The following NRK variants were observed in gnomAD, a reference collection of about 807,000 sequenced individuals.
NRK encodes Nik related kinase.
A neutral mutation model predicts 125.2 loss-of-function variants in NRK; 67 were observed. The observed-to-expected ratio is 0.54, with a 90% confidence interval of 0.44 to 0.66. The LOEUF is 0.66. Ranked by LOEUF, NRK falls within the 30% of genes least tolerant of loss-of-function variation. The pLI, the probability that NRK is intolerant of heterozygous loss-of-function variation, is 0.00. For missense variants in NRK, 1,224 were observed against 1,192.9 expected, an observed-to-expected ratio of 1.03 and a Z score of -0.38; for synonymous variants, 458 against 429.0, an observed-to-expected ratio of 1.07 and a Z score of -0.84.
chrX:105,951,906 A>T (rs1394084554), intron 27 of NRK, among the ~76,000 whole-genome samples: 1 of 112,881 alleles, frequency 8.9e-6, no homozygotes, highest in Non-Finnish European at 1.9e-5. Context: ...CAAAAATATC[A>T]TTTTTAATAA....
Position 105,909,276 on chromosome X carries a change from G to A in NRK, c.1635G>A (p.Val545=). Residue 545 remains valine (V), a synonymous_variant, in exon 13 of 29, where the codon GTG becomes GTA. Coordinates refer to ENST00000243300, the MANE Select transcript of NRK (RefSeq NM_198465.4). ...AACAACAGCAGAGGCACAACCAGGTGCCTGAACAAGAGCTGGAGCAGAACC... is the reference window on the plus strand; with the variant it reads ...AACAACAGCAGAGGCACAACCAGGTACCTGAACAAGAGCTGGAGCAGAACC... ...APEQQQRHNQ[V]PEQELEQNQA... is the part of the protein sequence containing the mutation. The A allele has an allele frequency of 2.5e-6, 3 of 1,207,147 alleles. No homozygotes were observed. The highest frequency in any genetic ancestry group is 2.3e-4 in the Middle Eastern group (1 of 4,345).
chrX:105,934,508 C>A, intron 20 of NRK, 64 bp downstream of exon 20: 1 of 660,890 alleles, frequency 1.5e-6, no homozygotes. Flanking sequence ...AGTGTTTAAC[C>A]ACTGCTTCAT....
intron 17 of NRK, among the ~76,000 whole-genome samples, chrX:105,922,449 G>A (rs764407246): frequency 2.7e-5 from 3 of 111,737 alleles, no homozygotes; most frequent in South Asian, 7.4e-4. Context: ...AAAAAACAGA[G>A]TGTCCTCTGA....
intron 2 of NRK, among the ~76,000 whole-genome samples, chrX:105,835,303 G>T (rs2039248042): frequency 9.0e-6 from 1 of 111,033 alleles, no homozygotes; most frequent in Non-Finnish European, 1.9e-5. Context: ...TTGGTCTTCT[G>T]GAGAGTTTTT....
intron 28 of NRK, among the ~76,000 whole-genome samples, chrX:105,954,585 C>G (rs1368002626): frequency 9.0e-6 from 1 of 110,635 alleles, no homozygotes; most frequent in Non-Finnish European, 1.9e-5. Flanking sequence ...GTTACATACA[C>G]TGTAAGCTCA....
rs183255890 is a variant in NRK at position 105,871,611 on chromosome X, T to C, written c.124-8588T>C. Among the ~76,000 whole-genome samples the C allele has an allele frequency of 2.0e-3, 224 of 111,234 alleles. 3 individuals are homozygous for C. The highest frequency in any genetic ancestry group is 7.1e-3 in the African/African-American group (217 of 30,548). The stretch of plus-strand genomic sequence containing the variant: ...AGTGCCTATGATGTGCCAGGTACTG[T>C]GCTAGACCCTAAATTTAGAGAGGAA... On this transcript the variant is annotated intron_variant, in intron 2 of 28. Coordinates refer to ENST00000243300, the MANE Select transcript of NRK (RefSeq NM_198465.4).
At position 105,829,097 on chromosome X, in the gene NRK, T is replaced by C. The variant is rs187406706; in HGVS notation, c.58-1957T>C. On this transcript the variant is annotated intron_variant, in intron 1 of 28. Transcript: ENST00000243300. ...GCTGGGAGATCACCTATCACAAGACTTTTATTTTATGTATGTGAAAACTGA... is the reference window on the plus strand; with the variant it reads ...GCTGGGAGATCACCTATCACAAGACCTTTATTTTATGTATGTGAAAACTGA... 2.0e-3 allele frequency among the ~76,000 whole-genome samples: 226 copies of C among 111,939 alleles called. 3 individuals carry two copies. The highest frequency in any genetic ancestry group is 7.1e-3 in the African/African-American group (218 of 30,914).
chrX:105,894,013 T>A (rs1316722727), intron 6 of NRK, 71 bp downstream of exon 6: 1 of 529,590 alleles, frequency 1.9e-6, no homozygotes, highest in Non-Finnish European at 3.1e-6. Flanking sequence ...ATGCACCTTA[T>A]ACCTGCTCAC....
chrX:105,837,275 A>G (rs918790399), intron 2 of NRK, among the ~76,000 whole-genome samples: 3 of 111,801 alleles, frequency 2.7e-5, no homozygotes, highest in Non-Finnish European at 5.6e-5. Context: ...TATTATATAT[A>G]TGTGTGTATT....
intron 16 of NRK, among the ~76,000 whole-genome samples, chrX:105,919,972 C>A (rs1168115091): frequency 9.6e-6 from 1 of 104,260 alleles, no homozygotes; most frequent in Non-Finnish European, 2.0e-5. Flanking sequence ...CTTGCCCATG[C>A]CTATGTCCTG....
chrX:105,949,056 A>T (rs2147798513), intron 26 of NRK, among the ~76,000 whole-genome samples: 1 of 111,881 alleles, frequency 8.9e-6, no homozygotes, highest in Non-Finnish European at 1.9e-5. Flanking sequence ...ACTTAAAGTT[A>T]TATTTCAAGC....
intron 19 of NRK, among the ~76,000 whole-genome samples, chrX:105,929,687 A>G (rs1412829660): frequency 1.8e-5 from 2 of 110,939 alleles, no homozygotes; most frequent in Non-Finnish European, 3.8e-5. Context: ...TACAAGTTTT[A>G]TAATTTCATG....
intron 9 of NRK, among the ~76,000 whole-genome samples, chrX:105,902,769 G>A (rs1043983325): frequency 1.8e-5 from 2 of 111,265 alleles, no homozygotes; most frequent in Non-Finnish European, 3.8e-5. Context: ...AGCATGCAAG[G>A]GATCTAGGTG....
At position 105,822,564 on chromosome X, in the gene NRK, A is replaced by T. The variant is rs996822668; in HGVS notation, c.-282A>T. 4 of 373,986 alleles carry T rather than the reference A, an allele frequency of 1.1e-5. 1 individual carries two copies. In the East Asian group the frequency reaches 1.9e-4, roughly 18 times the overall value. 30.8% of individuals were successfully genotyped at this position (373,986 alleles called of 1,213,427 possible). ...AGACACAGCGCTCTCGACACGGAGCACCCTTCTAGCTTCTTCGTCTCCAGG... is the reference window on the plus strand; with the variant it reads ...AGACACAGCGCTCTCGACACGGAGCTCCCTTCTAGCTTCTTCGTCTCCAGG... On this transcript the variant is annotated 5_prime_UTR_variant, in exon 1 of 29. Transcript: ENST00000243300.
chrX:105,913,723 T>C (rs370333169), intron 14 of NRK, among the ~76,000 whole-genome samples: 9 of 111,393 alleles, frequency 8.1e-5, no homozygotes, highest in African/African-American at 2.9e-4. Context: ...TAAGCAAAAA[T>C]ATTGTACATT....
chrX:105,899,111 G>T (rs2040122933), intron 8 of NRK, among the ~76,000 whole-genome samples: 1 of 111,896 alleles, frequency 8.9e-6, no homozygotes, highest in African/African-American at 3.2e-5. Context: ...CTTAGCTCCA[G>T]AAAAGACAAA....
At chrX:105,954,063 C>G (rs781221580) in intron 28 of NRK, among the ~76,000 whole-genome samples, 16 of 111,040 alleles carry the variant, frequency 1.4e-4, no homozygotes, top group Non-Finnish European at 2.3e-4. Flanking sequence ...TTTGATTAAT[C>G]TTTCTGATCC....
intron 5 of NRK, among the ~76,000 whole-genome samples, chrX:105,890,007 C>T (rs949385038): frequency 2.7e-5 from 3 of 112,001 alleles, no homozygotes; most frequent in East Asian, 5.6e-4. Context: ...CCTCAGAAAA[C>T]GGGTTTTTCT....
Position 105,920,215 on chromosome X carries a change from G to A in NRK, c.2513-1749G>A, listed in dbSNP as rs1306469878. Among the ~76,000 whole-genome samples, 9 of 104,236 alleles carry A rather than the reference G, an allele frequency of 8.6e-5. No individual in the cohort carries two copies. In the East Asian group the frequency reaches 1.2e-3, roughly 14 times the overall value. 90.5% of individuals were successfully genotyped at this position (104,236 alleles called of 115,157 possible). The stretch of plus-strand genomic sequence containing the variant: ...GATCAGATAGTTGTAGACATGCGGC[G>A]TTATTTCTGAGGGCTCTGTTCTGTT... On this transcript the variant is annotated intron_variant, in intron 16 of 28. Transcript: ENST00000243300.
Sources: allele counts gnomAD v4.1 joint callset (sites outside exome capture counted in the v4.1 genomes callset), GRCh38; gene constraint gnomAD v4.1.1; transcripts MANE v1.5; gene names NCBI Gene and HGNC (gene_info 2026-07-23, HGNC 2026-07-21).